The following ZDHHC18 variants were observed in gnomAD, a reference collection of about 807,000 sequenced individuals.
ZDHHC18 encodes the protein palmitoyltransferase ZDHHC18.
ZDHHC18 carries 23 observed loss-of-function variants against 37.5 expected under a neutral mutation model. The observed-to-expected ratio is 0.61, with a 90% CI of 0.44 to 0.87. ZDHHC18 has a LOEUF of 0.87. Among genes scored for constraint, ZDHHC18 ranks in the 40% least tolerant of loss-of-function variants. The probability of loss-of-function intolerance (pLI) is 0.00; values close to 1 mark genes in which losing one functional copy is unlikely to be tolerated. For missense variants in ZDHHC18, 406 were observed against 525.6 expected, an observed-to-expected ratio of 0.77 and a Z score of 2.22; for synonymous variants, 185 against 218.7, an observed-to-expected ratio of 0.85 and a Z score of 1.36.
chr1:26,837,258 A>AT (rs1332891016), intron 2 of ZDHHC18, among the ~76,000 whole-genome samples: 8 of 144,572 alleles, frequency 5.5e-5, no homozygotes, highest in African/African-American at 1.3e-4. Flanking sequence ...GTCTCAAAAA[A>AT]AATATATATA....
intron 1 of ZDHHC18, 137 bp downstream of exon 1, chr1:26,827,276 G>A: frequency 2.7e-6 from 2 of 735,642 alleles, no homozygotes; most frequent in Non-Finnish European, 3.8e-6. Flanking sequence ...ATCCTCCTCG[G>A]GCCTCTTGTC....
chr1:26,842,472 T>A (rs1167769245), intron 2 of ZDHHC18, among the ~76,000 whole-genome samples: 1 of 152,244 alleles, frequency 6.6e-6, no homozygotes, highest in East Asian at 1.9e-4. Flanking sequence ...GAAACCCAGC[T>A]GGGCAGAAGT....
chr1:26,828,943 G>T (rs780280192), intron 1 of ZDHHC18, among the ~76,000 whole-genome samples: 2 of 152,200 alleles, frequency 1.3e-5, no homozygotes, highest in Non-Finnish European at 2.9e-5. Context: ...ACCCTGCAGT[G>T]TGATATCTGG....
chr1:26,847,685 C>G (rs1016301856), intron 2 of ZDHHC18, among the ~76,000 whole-genome samples: 1 of 151,672 alleles, frequency 6.6e-6, no homozygotes, highest in Non-Finnish European at 1.5e-5. Context: ...CTTTCTCTCT[C>G]TCTCTTTTTT....
Position 26,850,329 on chromosome 1 carries a change from G to A in ZDHHC18, c.675G>A (p.Val225=), listed in dbSNP as rs774073740. The A allele has an allele frequency of 1.9e-6, 3 of 1,614,240 alleles. No individual in the cohort carries two copies. The highest frequency in any genetic ancestry group is 1.1e-5 in the South Asian group (1 of 91,086). ...GATTTGACCATCACTGCCCCTGGGT[G>A]GGCAACTGTGTGGGGAGACGGAACT... The part of the protein sequence containing the change: ...VERFDHHCPW[V]GNCVGRRNYR... The change falls in exon 4 of 8, where the codon GTG becomes GTA. Residue 225 remains valine (V), a synonymous_variant. Coordinates refer to ENST00000374142, the MANE Select transcript of ZDHHC18 (RefSeq NM_032283.3). The surrounding 1 kb of genome is among the most constrained non-coding windows in gnomAD (Gnocchi z 6.1).
In ZDHHC18 at chr1:26,853,977, G is replaced by A. The variant is rs1290768916; in HGVS notation, c.*134G>A. ...TTTTCATATTTATTTCCCATCCTGC[G>A]TGGCTTTCCCTGAACTGTTCCGTGG... On this transcript the variant is annotated 3_prime_UTR_variant, in exon 8 of 8. Coordinates refer to ENST00000374142, the MANE Select transcript of ZDHHC18 (RefSeq NM_032283.3). The A allele has an allele frequency of 1.1e-5, 9 of 854,144 alleles. No individual in the cohort carries two copies. The highest frequency in any genetic ancestry group is 5.0e-5 in the East Asian group (2 of 40,094). 52.9% of individuals were successfully genotyped at this position (854,144 alleles called of 1,614,324 possible).
chr1:26,851,415 A>G (rs1034495730), intron 6 of ZDHHC18, among the ~76,000 whole-genome samples, 184 bp downstream of exon 6: 2 of 152,090 alleles, frequency 1.3e-5, no homozygotes, highest in South Asian at 4.1e-4. Context: ...CAGGCTTCTG[A>G]CACCTCCACA....
rs959763460 is a variant in ZDHHC18, at chr1:26,852,780, G to T, written c.964G>T (p.Gly322Cys). Reference protein sequence around the residue: ...DIKGSWSSKRGGEASVNPYSH... With the variant: ...DIKGSWSSKRCGEASVNPYSH... Reference sequence around the variant, plus strand: ...CAAAGGCTCGTGGTCCAGCAAGAGGGGCGGTGAGGCCTCTGTCAACCCCTA... The same window carrying T: ...CAAAGGCTCGTGGTCCAGCAAGAGGTGCGGTGAGGCCTCTGTCAACCCCTA... The change falls in exon 7 of 8, where the codon GGC (glycine) becomes TGC (cysteine). Residue 322 changes from glycine to cysteine, a missense_variant. Transcript: ENST00000374142. 2.5e-6 allele frequency: 4 copies of T among 1,613,976 alleles called. No homozygotes were observed. Among genetic ancestry groups the T allele is most frequent in the Non-Finnish European group, 3.4e-6 (4 of 1,179,984 alleles).
In ZDHHC18 at chr1:26,855,363, A is replaced by C. The variant is rs1465031132; in HGVS notation, c.*1520A>C. 1 of 152,582 alleles carries C rather than the reference A, an allele frequency of 6.6e-6. No individual in the cohort carries two copies. The highest frequency in any genetic ancestry group is 1.5e-5 in the Non-Finnish European group (1 of 68,078). The allele number at this position is 152,582 out of a possible 1,614,324, so 9.5% of individuals were successfully genotyped here. Reference sequence around the variant, plus strand: ...TGGCCTGAGTCTGGGCCGGAAACTCAGAGGATGTTTCTCCTCTGCTGGGAG... The same window carrying C: ...TGGCCTGAGTCTGGGCCGGAAACTCCGAGGATGTTTCTCCTCTGCTGGGAG... On this transcript the variant is annotated 3_prime_UTR_variant, in exon 8 of 8. Coordinates refer to ENST00000374142, the MANE Select transcript of ZDHHC18 (RefSeq NM_032283.3).
intron 1 of ZDHHC18, chr1:26,832,187 G>A: frequency 2.2e-6 from 1 of 464,608 alleles, no homozygotes; most frequent in Non-Finnish European, 3.9e-6. Context: ...CAGAGGTTAG[G>A]AGTGCTGGGA....
chr1:26,851,285 C>T lies in ZDHHC18; in HGVS notation c.936+54C>T, dbSNP rs376542628. On this transcript the variant is annotated intron_variant, in intron 6 of 7. Coordinates refer to ENST00000374142, the MANE Select transcript of ZDHHC18 (RefSeq NM_032283.3). ...CTAGGGCAGCGCCCTCAGGAGGAGG[C>T]AGGGCTGAGGGAGCCTGGGGCAGCC... 12 of 1,559,950 alleles carry T rather than the reference C, an allele frequency of 7.7e-6. No individual in the cohort carries two copies. In the East Asian group the frequency reaches 2.2e-4, roughly 29 times the overall value.
rs369749542 is a variant in ZDHHC18 at position 26,827,984 on chromosome 1, CTTG to C, written c.335+851_335+853del. Among the ~76,000 whole-genome samples the C allele has an allele frequency of 5.7e-4, 87 of 152,262 alleles. 2 individuals carry two copies. The South Asian group carries it at 0.018, about 32-fold the overall frequency. ...TCCACATCAGCAACAGCTGCGGTGC[CTTG>C]TTGTTTTTCAGGAAAGACTTCGGAG... is the stretch of plus-strand genomic sequence containing the variant. On this transcript the variant is annotated intron_variant, in intron 1 of 7. Coordinates refer to ENST00000374142, the MANE Select transcript of ZDHHC18 (RefSeq NM_032283.3).
At chr1:26,830,878 G>C (rs2081586323) in intron 1 of ZDHHC18, among the ~76,000 whole-genome samples, 1 of 152,120 alleles carries the variant, frequency 6.6e-6, no homozygotes, top group African/African-American at 2.4e-5. Context: ...TGCCTCCCGG[G>C]TTCAAGTGAT....
chr1:26,849,428 C>T (rs1455850857), intron 3 of ZDHHC18, among the ~76,000 whole-genome samples: 1 of 152,208 alleles, frequency 6.6e-6, no homozygotes, highest in Non-Finnish European at 1.5e-5. Context: ...GGGCAGTGAG[C>T]TCATCATGCC....
Position 26,826,990 on chromosome 1 carries a change from C to A in ZDHHC18, c.186C>A (p.Leu62=). 8.1e-7 allele frequency: 1 copy of A among 1,228,528 alleles called. No individual in the cohort carries two copies. Among genetic ancestry groups the A allele is most frequent in the Non-Finnish European group, 1.0e-6 (1 of 986,048 alleles). The allele number at this position is 1,228,528 out of a possible 1,614,324, so 76.1% of individuals were successfully genotyped here. ...GCAGCGGCAGCGGGAGCGGGAGCCT[C>A]GGCCGCCGCCCACGGCGCAAGTGGG... ...GSGSGSGSGS[L]GRRPRRKWEV... is the part of the protein sequence containing the mutation. The change falls in exon 1 of 8, where the codon CTC becomes CTA. Residue 62 remains leucine, a synonymous_variant. Transcript: ENST00000374142. The surrounding 1 kb of genome is among the most constrained non-coding windows in gnomAD (Gnocchi z 5.2).
chr1:26,845,073 C>G (rs1169518854), intron 2 of ZDHHC18, among the ~76,000 whole-genome samples: 2 of 151,750 alleles, frequency 1.3e-5, no homozygotes, highest in Admixed American at 6.6e-5. Context: ...TACAGGCATG[C>G]GCCACCATGC....
At position 26,832,427 on chromosome 1, in the gene ZDHHC18, C is replaced by T. The variant is rs371682599; in HGVS notation, c.336-20C>T. Reference sequence around the variant, plus strand: ...GAGCCCTTGGGGTGTCTGCTGATCTCTCTCCATCTCTCGTTCTAGCTGTCC... The same window carrying T: ...GAGCCCTTGGGGTGTCTGCTGATCTTTCTCCATCTCTCGTTCTAGCTGTCC... On this transcript the variant is annotated intron_variant, in intron 1 of 7. Coordinates refer to ENST00000374142, the MANE Select transcript of ZDHHC18 (RefSeq NM_032283.3). 2.5e-6 allele frequency: 4 copies of T among 1,613,630 alleles called. No homozygotes were observed. The African/African-American group carries it at 4.0e-5, about 16-fold the overall frequency.
rs1214649589 is a variant in ZDHHC18 at position 26,850,223 on chromosome 1, C to T, written c.647-78C>T. ...AGTGAACGGGGTAGGAAAGCCCCAG[C>T]CATGGGTGAGGCCGCCAAATGCCTG... On this transcript the variant is annotated intron_variant, in intron 3 of 7. Transcript: ENST00000374142. This position sits in a 1 kb window ranked among gnomAD's most constrained non-coding sequence, Gnocchi z 6.1. 6.4e-7 allele frequency: 1 copy of T among 1,550,628 alleles called. No homozygotes were observed. Among genetic ancestry groups the T allele is most frequent in the African/African-American group, 1.4e-5 (1 of 73,248 alleles).
chr1:26,851,798 A>G (rs1031255553), intron 6 of ZDHHC18, among the ~76,000 whole-genome samples: 5 of 152,270 alleles, frequency 3.3e-5, no homozygotes, highest in Admixed American at 6.5e-5. Flanking sequence ...GCCCCTCTCA[A>G]TATGCACGCC....
Sources: allele counts gnomAD v4.1 joint callset (sites outside exome capture counted in the v4.1 genomes callset), GRCh38; gene constraint gnomAD v4.1.1; non-coding constraint Gnocchi (gnomAD v3.1); transcripts MANE v1.5; gene names NCBI Gene and HGNC (gene_info 2026-07-23, HGNC 2026-07-21).